Variants in ANKRD36 observed in about 807,000 individuals in gnomAD.
ANKRD36 encodes ankyrin repeat domain-containing protein 36A.
In ANKRD36, 179 loss-of-function variants were observed where a neutral mutation model predicts 278.1. The observed-to-expected ratio is 0.64, with a 90% CI of 0.57 to 0.73. The LOEUF (loss-of-function observed/expected upper bound fraction) is 0.73, where lower values mean the gene tolerates loss of function less well. ANKRD36 is among the 30% of genes least tolerant of loss of function. The pLI is 0.00. For missense variants in ANKRD36, 1,159 were observed against 1,956.7 expected, an observed-to-expected ratio of 0.59 and a Z score of 7.69; for synonymous variants, 320 against 641.1, an observed-to-expected ratio of 0.50 and a Z score of 7.57.
At chr2:97,161,732 T>C (rs11691471) in intron 17 of ANKRD36, among the ~76,000 whole-genome samples, 69,887 of 141,108 alleles carry the variant, frequency 0.5, 19,888 homozygotes, top group Non-Finnish European at 0.71. Context: ...TTCATTTTTT[T>C]GCACATGCTG....
chr2:97,222,798 T>C (rs2068131872), intron 66 of ANKRD36, among the ~76,000 whole-genome samples: 1 of 152,110 alleles, frequency 6.6e-6, no homozygotes, highest in African/African-American at 2.4e-5. Flanking sequence ...ATAGAAGTGT[T>C]GATATTAGTT....
At chr2:97,220,032 G>A (rs1181049304) in intron 66 of ANKRD36, among the ~76,000 whole-genome samples, 183 of 132,146 alleles carry the variant, frequency 1.4e-3, no homozygotes, top group African/African-American at 1.6e-3. Context: ...TAAGCCAATC[G>A]GATGTTCTGA....
chr2:97,211,018 G>C (rs550233890), intron 56 of ANKRD36, among the ~76,000 whole-genome samples: 1 of 151,870 alleles, frequency 6.6e-6, no homozygotes, highest in Non-Finnish European at 1.5e-5. Flanking sequence ...GATATCCAAG[G>C]TGATCAATTT....
rs772517688 is a variant in ANKRD36 at position 97,181,617 on chromosome 2, A to G, written c.1755A>G (p.Pro585=). The G allele has an allele frequency of 1.2e-6, 2 of 1,602,774 alleles. No individual in the cohort carries two copies. Among genetic ancestry groups the G allele is most frequent in the South Asian group, 2.2e-5 (2 of 90,640 alleles). ...TTTCAGTGTCTTCTCAGAAACAACC[A>G]GCTGAGAAGGTAATTAAAGTCTCAT... is the stretch of plus-strand genomic sequence containing the variant. ...ISGTVSSQKQ[P]AEKATSDEKD... is the part of the protein sequence containing the mutation. The change falls in exon 25 of 76, where the codon CCA becomes CCG. Residue 585 remains proline, a synonymous_variant. Coordinates refer to ENST00000420699, the MANE Select transcript of ANKRD36 (RefSeq NM_001354587.1).
At chr2:97,148,727 T>C (rs1209349574) in intron 11 of ANKRD36, among the ~76,000 whole-genome samples, 1 of 152,312 alleles carries the variant, frequency 6.6e-6, no homozygotes, top group Non-Finnish European at 1.5e-5. Context: ...ATTTGCAGTG[T>C]TTCAGGGGGC....
chr2:97,195,010 C>T, intron 40 of ANKRD36, 93 bp downstream of exon 40: 1 of 1,472,830 alleles, frequency 6.8e-7, no homozygotes, highest in Non-Finnish European at 9.1e-7. Context: ...CAAAGATGCA[C>T]ATTCTGATTC....
chr2:97,191,286 T>C lies in ANKRD36; in HGVS notation c.2347+105T>C, dbSNP rs971033359. Reference sequence around the variant, plus strand: ...GGCTCGTCGAAGCTGCACATTATCATTCAGCTGTCCTGAGATTCTTCATTT... The same window carrying C: ...GGCTCGTCGAAGCTGCACATTATCACTCAGCTGTCCTGAGATTCTTCATTT... On this transcript the variant is annotated intron_variant, in intron 36 of 75. Transcript: ENST00000420699. 31 of 1,268,912 alleles carry C rather than the reference T, an allele frequency of 2.4e-5. No individual in the cohort carries two copies. The Admixed American group carries it at 8.7e-4, about 36-fold the overall frequency. 78.6% of individuals were successfully genotyped at this position (1,268,912 alleles called of 1,614,324 possible). A position where few individuals can be genotyped will look rare whatever the true frequency, so the allele number is the denominator to read the frequency against.
At chr2:97,220,504 T>G (rs2067116213) in intron 66 of ANKRD36, among the ~76,000 whole-genome samples, 1 of 151,388 alleles carries the variant, frequency 6.6e-6, no homozygotes, top group Non-Finnish European at 1.5e-5. Context: ...TTCCTTTCTT[T>G]GCCTGGATTA....
At chr2:97,204,003 A>C in intron 48 of ANKRD36, 65 bp from the exon 49 acceptor site, 1 of 1,537,152 alleles carries the variant, frequency 6.5e-7, no homozygotes, top group South Asian at 1.2e-5. Context: ...CTAACACTGC[A>C]TGAATGTATG....
chr2:97,113,645 G>A lies in ANKRD36; in HGVS notation c.-95G>A. The A allele has an allele frequency of 6.7e-7, 1 of 1,501,100 alleles. No homozygotes were observed. The highest frequency in any genetic ancestry group is 2.0e-4 in the Middle Eastern group (1 of 4,912). 93.0% of individuals were successfully genotyped at this position (1,501,100 alleles called of 1,614,324 possible). A position where few individuals can be genotyped will look rare whatever the true frequency, so the allele number is the denominator to read the frequency against. ...CTGAGAGTCTGTGCGGAGGTCCGTG[G>A]ACAGACTGCTTTGCTCGTTGTTGCT... is the stretch of plus-strand genomic sequence containing the variant. On this transcript the variant is annotated 5_prime_UTR_variant, in exon 1 of 76. Coordinates refer to ENST00000420699, the MANE Select transcript of ANKRD36 (RefSeq NM_001354587.1).
At chr2:97,202,100 A>G in intron 46 of ANKRD36, 102 bp from the exon 47 acceptor site, 1 of 1,577,454 alleles carries the variant, frequency 6.3e-7, no homozygotes, top group Middle Eastern at 2.3e-4. Flanking sequence ...GCCTATGCTA[A>G]TACAGGCAGG....
chr2:97,240,991 T>G (rs1213853121), intron 68 of ANKRD36, among the ~76,000 whole-genome samples: 16 of 132,942 alleles, frequency 1.2e-4, no homozygotes, highest in Non-Finnish European at 1.7e-4. Context: ...TGTTTTTTTT[T>G]TTTTTTTTTT....
chr2:97,177,819 T>A (rs1013959613), intron 22 of ANKRD36, among the ~76,000 whole-genome samples: 2 of 151,742 alleles, frequency 1.3e-5, no homozygotes, highest in African/African-American at 2.4e-5. Flanking sequence ...AAGACAAAAT[T>A]GACAGATGGG....
At position 97,217,282 on chromosome 2, in the gene ANKRD36, G is replaced by T; in HGVS notation, c.3703-18G>T. ...ATATATATTATGTATTGACTATTTT[G>T]TTTCTCTTTCCATTCAGGTTATATT... On this transcript the variant is annotated intron_variant, in intron 63 of 75. Transcript: ENST00000420699. 6.5e-7 allele frequency: 1 copy of T among 1,548,886 alleles called. No homozygotes were observed. Among genetic ancestry groups the T allele is most frequent in the Non-Finnish European group, 8.7e-7 (1 of 1,147,230 alleles).
chr2:97,181,288 G>C (rs2056129332), intron 24 of ANKRD36, among the ~76,000 whole-genome samples: 1 of 151,598 alleles, frequency 6.6e-6, no homozygotes, highest in Non-Finnish European at 1.5e-5. Context: ...TCAGGTGTGT[G>C]AGTTACTCCT....
intron 10 of ANKRD36, among the ~76,000 whole-genome samples, chr2:97,145,078 C>T (rs1038066799): frequency 9.9e-5 from 15 of 151,838 alleles, no homozygotes; most frequent in African/African-American, 3.4e-4. Context: ...ATTGCTAAAA[C>T]CAGAGGGAAG....
At chr2:97,128,008 T>C (rs1242375973) in intron 6 of ANKRD36, among the ~76,000 whole-genome samples, 1 of 151,984 alleles carries the variant, frequency 6.6e-6, no homozygotes, top group African/African-American at 2.4e-5. Flanking sequence ...GAACATTGAA[T>C]GTAAAACATT....
chr2:97,183,389 A>G (rs190219541), intron 26 of ANKRD36, 70 bp from the exon 27 acceptor site: 10 of 1,472,100 alleles, frequency 6.8e-6, no homozygotes, highest in Non-Finnish European at 8.2e-6. Context: ...TGATGCTAAC[A>G]CTGCATGAAT....
Position 97,113,955 on chromosome 2 carries a change from C to A in ANKRD36, c.197+19C>A, listed in dbSNP as rs770990820. 6 of 1,507,486 alleles carry A rather than the reference C, an allele frequency of 4.0e-6. No homozygotes were observed. The East Asian group carries it at 1.7e-4, about 42-fold the overall frequency. The allele number at this position is 1,507,486 out of a possible 1,614,324, so 93.4% of individuals were successfully genotyped here. A position where few individuals can be genotyped will look rare whatever the true frequency, so the allele number is the denominator to read the frequency against. Reference sequence around the variant, plus strand: ...AGGAAAGGTAATGGGGGCCGGGAGCCGGGGCTGCGGGAGGAGGCCTGTGGA... The same window carrying A: ...AGGAAAGGTAATGGGGGCCGGGAGCAGGGGCTGCGGGAGGAGGCCTGTGGA... On this transcript the variant is annotated intron_variant, in intron 1 of 75. Transcript: ENST00000420699.
Sources: allele counts gnomAD v4.1 joint callset (sites outside exome capture counted in the v4.1 genomes callset), GRCh38; gene constraint gnomAD v4.1.1; transcripts MANE v1.5; gene names NCBI Gene and HGNC (gene_info 2026-07-23, HGNC 2026-07-21).